Variants in APCDD1L observed in about 807,000 individuals in gnomAD.
APCDD1L encodes APC down-regulated 1 like.
Under a neutral mutation model 24.2 loss-of-function variants are expected in APCDD1L, and 21 were observed. That is an observed-to-expected ratio of 0.87 (90% CI 0.61 to 1.25). APCDD1L has a LOEUF of 1.25. Ranked by LOEUF, APCDD1L falls within the 50% of genes most tolerant of loss-of-function variation. APCDD1L has a pLI of 0.00. For synonymous variants in APCDD1L, 321 were observed against 323.6 expected, an observed-to-expected ratio of 0.99 and a Z score of 0.09; for missense variants, 704 against 711.7, an observed-to-expected ratio of 0.99 and a Z score of 0.12.
Position 58,467,615 on chromosome 20 carries a change from T to C in APCDD1L, c.232A>G (p.Thr78Ala), listed in dbSNP as rs1989741706. The change falls in exon 3 of 4, where the codon ACC becomes GCC. Residue 78 changes from threonine (T) to alanine (A), a missense_variant. Thr to Ala is a moderately conservative substitution (Grantham distance 58, BLOSUM62 0). Transcript: ENST00000371149. This position sits in a 1 kb window ranked among gnomAD's most constrained non-coding sequence, Gnocchi z 5.9. Reference protein sequence around the residue: ...PGPEFLTRAYTFYPSRLFRAH... With the variant: ...PGPEFLTRAYAFYPSRLFRAH... ...CGAAAGAGCCGGCTGGGGTAGAAGGTGTAGGCGCGGGTCAGGAACTCCGGT... is the reference window on the plus strand; with the variant it reads ...CGAAAGAGCCGGCTGGGGTAGAAGGCGTAGGCGCGGGTCAGGAACTCCGGT... The C allele has an allele frequency of 2.0e-6, 3 of 1,530,806 alleles. No homozygotes were observed. In the East Asian group the frequency reaches 7.7e-5, roughly 39 times the overall value. The allele number at this position is 1,530,806 out of a possible 1,614,324, so 94.8% of individuals were successfully genotyped here. A position where few individuals can be genotyped will look rare whatever the true frequency, so the allele number is the denominator to read the frequency against.
intron 1 of APCDD1L, among the ~76,000 whole-genome samples, chr20:58,486,637 A>T (rs1990122456): frequency 6.6e-6 from 1 of 152,190 alleles, no homozygotes; most frequent in Non-Finnish European, 1.5e-5. Context: ...GGATTAAGAA[A>T]AATCCAAAGA....
At chr20:58,512,649 T>A (rs1990649290) in intron 1 of APCDD1L, among the ~76,000 whole-genome samples, 1 of 152,146 alleles carries the variant, frequency 6.6e-6, no homozygotes. Context: ...AGACATGAAG[T>A]TCAGGCGTGC....
At chr20:58,463,111 C>T (rs1353060787) in intron 3 of APCDD1L, among the ~76,000 whole-genome samples, 5 of 127,992 alleles carry the variant, frequency 3.9e-5, no homozygotes, top group Non-Finnish European at 6.2e-5. Flanking sequence ...CACTGCACTC[C>T]AGCCTGGGTG....
chr20:58,486,426 AAG>A (rs1990118056), intron 1 of APCDD1L, among the ~76,000 whole-genome samples: 1 of 152,194 alleles, frequency 6.6e-6, no homozygotes, highest in Admixed American at 6.5e-5. Flanking sequence ...TTAGGGAAAA[AAG>A]AGAGGGGATG....
At chr20:58,464,763 G>A (rs550638568) in intron 3 of APCDD1L, among the ~76,000 whole-genome samples, 28 of 152,228 alleles carry the variant, frequency 1.8e-4, no homozygotes, top group African/African-American at 6.3e-4. Flanking sequence ...GCAAGGCGTG[G>A]GCCCCAGAGA....
At chr20:58,506,518 G>A (rs1232403258) in intron 1 of APCDD1L, among the ~76,000 whole-genome samples, 1 of 152,168 alleles carries the variant, frequency 6.6e-6, no homozygotes, top group Non-Finnish European at 1.5e-5. Context: ...GCAGCCCCAT[G>A]GGTTAAACAT....
At chr20:58,488,318 G>T (rs1990163342) in intron 1 of APCDD1L, among the ~76,000 whole-genome samples, 2 of 151,980 alleles carry the variant, frequency 1.3e-5, no homozygotes, top group Admixed American at 6.6e-5. Context: ...ACCCACTGGG[G>T]GTCATGGAAT....
intron 1 of APCDD1L, among the ~76,000 whole-genome samples, chr20:58,493,333 A>G (rs1031818904): frequency 3.9e-5 from 6 of 152,242 alleles, no homozygotes; most frequent in African/African-American, 1.4e-4. Context: ...GTGAGTCATG[A>G]GCCATTAAGA....
chr20:58,473,053 G>C (rs1402953678), intron 1 of APCDD1L, among the ~76,000 whole-genome samples: 1 of 152,190 alleles, frequency 6.6e-6, no homozygotes, highest in East Asian at 1.9e-4. Flanking sequence ...TGTTGATTTG[G>C]GGGAATGGAT....
chr20:58,503,315 T>C (rs886287781), intron 1 of APCDD1L, among the ~76,000 whole-genome samples: 2 of 152,218 alleles, frequency 1.3e-5, no homozygotes, highest in African/African-American at 4.8e-5. Context: ...GGCAAGTTGG[T>C]CTTAATTTCA....
At chr20:58,481,190 T>C (rs1470111282) in intron 1 of APCDD1L, among the ~76,000 whole-genome samples, 1 of 152,190 alleles carries the variant, frequency 6.6e-6, no homozygotes, top group African/African-American at 2.4e-5. Context: ...GCGGTGTAGT[T>C]AGGAGTCAGT....
rs572379948 is a variant in APCDD1L at position 58,461,255 on chromosome 20, G to A, written c.1041C>T (p.Gly347=). 2.1e-5 allele frequency: 34 copies of A among 1,613,352 alleles called. No individual in the cohort carries two copies. The highest frequency in any genetic ancestry group is 5.3e-5 in the African/African-American group (4 of 74,996). ...TGACCTCAAACACCAGCTCGGTGCC[G>A]CCGCGGACCCTGGTGGATGGCGTGC... ...TRGTPSTRVR[G]GTELVFEVTR... is the part of the protein sequence containing the mutation. The change falls in exon 4 of 4, where the codon GGC becomes GGT. Residue 347 remains glycine (G), a synonymous_variant. Transcript: ENST00000371149. This position sits in a 1 kb window ranked among gnomAD's most constrained non-coding sequence, Gnocchi z 6.0.
Position 58,461,503 on chromosome 20 carries a change from G to A in APCDD1L, c.793C>T (p.His265Tyr), listed in dbSNP as rs1205477728. ...ACGLIARSDV[H>Y]HPPVLPPPLA... Reference sequence around the variant, plus strand: ...GGGGGCGGCAGCACGGGCGGGTGGTGCACATCGGAGCGGGCAATGAGGCCA... The same window carrying A: ...GGGGGCGGCAGCACGGGCGGGTGGTACACATCGGAGCGGGCAATGAGGCCA... Residue 265 changes from histidine (H) to tyrosine (Y), a missense_variant, in exon 4 of 4, where the codon CAC becomes TAC. By Grantham distance (83) the His-to-Tyr change is moderately conservative. Transcript: ENST00000371149. The surrounding 1 kb of genome is among the most constrained non-coding windows in gnomAD (Gnocchi z 6.0). 3 of 1,452,416 alleles carry A rather than the reference G, an allele frequency of 2.1e-6. No homozygotes were observed. The highest frequency in any genetic ancestry group is 2.8e-5 in the Admixed American group (1 of 35,408). The allele number at this position is 1,452,416 out of a possible 1,614,324, so 90.0% of individuals were successfully genotyped here.
intron 1 of APCDD1L, among the ~76,000 whole-genome samples, chr20:58,499,485 A>G (rs1224241106): frequency 6.6e-6 from 1 of 152,168 alleles, no homozygotes; most frequent in East Asian, 1.9e-4. Context: ...GTCTCTTCTC[A>G]TGCCAGCCTT....
rs1990567530 is a variant in APCDD1L, at chr20:58,508,668, C to T, written c.49+5991G>A. Among the ~76,000 whole-genome samples the T allele has an allele frequency of 6.6e-6, 1 of 152,172 alleles. No individual in the cohort carries two copies. The highest frequency in any genetic ancestry group is 6.5e-5 in the Admixed American group (1 of 15,286). The stretch of plus-strand genomic sequence containing the variant: ...CTGTGACTGGGGTTCCCGTCTGCCA[C>T]TGCTTACACTATGTTGGGTATATGA... On this transcript the variant is annotated intron_variant, in intron 1 of 3. Coordinates refer to ENST00000371149, the MANE Select transcript of APCDD1L (RefSeq NM_153360.3). This position sits in a 1 kb window ranked among gnomAD's most constrained non-coding sequence, Gnocchi z 4.0.
At chr20:58,505,401 TCCTC>T (rs1350697154) in intron 1 of APCDD1L, among the ~76,000 whole-genome samples, 1 of 152,128 alleles carries the variant, frequency 6.6e-6, no homozygotes, top group Non-Finnish European at 1.5e-5. Context: ...GTCATAAATA[TCCTC>T]CCATGTCAGT....
In APCDD1L at chr20:58,514,764, CGCGGGCGCAGGGCTCTCGGACGGCT is replaced by C. The variant is rs1476330453; in HGVS notation, c.-82_-58del. 2.4e-6 allele frequency: 3 copies of C among 1,250,896 alleles called. No individual in the cohort carries two copies. Among genetic ancestry groups the C allele is most frequent in the Non-Finnish European group, 3.0e-6 (3 of 986,998 alleles). The allele number at this position is 1,250,896 out of a possible 1,614,324, so 77.5% of individuals were successfully genotyped here. The stretch of plus-strand genomic sequence containing the variant: ...CGCTGCCACGGTGCGCAAGGGGAGG[CGCGGGCGCAGGGCTCTCGGACGGCT>C]GCGGGCGCCGGCGGCCAGGCTGGAG... On this transcript the variant is annotated 5_prime_UTR_variant, in exon 1 of 4. Coordinates refer to ENST00000371149, the MANE Select transcript of APCDD1L (RefSeq NM_153360.3).
chr20:58,479,277 TC>T (rs1379329881), intron 1 of APCDD1L, among the ~76,000 whole-genome samples: 3 of 152,146 alleles, frequency 2.0e-5, no homozygotes, highest in African/African-American at 7.2e-5. Context: ...TATGTGCTTT[TC>T]CCCCCCATAC....
chr20:58,460,493 G>T lies in APCDD1L; in HGVS notation c.*297C>A. On this transcript the variant is annotated 3_prime_UTR_variant, in exon 4 of 4. Transcript: ENST00000371149. This position sits in a 1 kb window ranked among gnomAD's most constrained non-coding sequence, Gnocchi z 4.2. ...ACTGCACCTGTTGGCGAGCTGCCAA[G>T]GATGAGGAAAGTAGAAAAATTGGGA... The T allele has an allele frequency of 3.7e-6, 1 of 267,490 alleles. No individual in the cohort carries two copies. Among genetic ancestry groups the T allele is most frequent in the Non-Finnish European group, 7.0e-6 (1 of 142,214 alleles). The allele number at this position is 267,490 out of a possible 1,614,324, so 16.6% of individuals were successfully genotyped here.
Sources: allele counts gnomAD v4.1 joint callset (sites outside exome capture counted in the v4.1 genomes callset), GRCh38; gene constraint gnomAD v4.1.1; non-coding constraint Gnocchi (gnomAD v3.1); transcripts MANE v1.5; gene names NCBI Gene and HGNC (gene_info 2026-07-23, HGNC 2026-07-21).